HCN1: variants seen among roughly 807,000 people sequenced by gnomAD.
The protein encoded by HCN1 is hyperpolarization activated cyclic nucleotide gated potassium channel 1, also known as potassium/sodium hyperpolarization-activated cyclic nucleotide-gated channel 1.
HCN1 carries 13 observed loss-of-function variants against 78.9 expected under a neutral mutation model. The observed-to-expected ratio is 0.16, with a 90% CI of 0.11 to 0.26. The LOEUF (loss-of-function observed/expected upper bound fraction) is 0.26, where lower values mean the gene tolerates loss of function less well. HCN1 is among the 10% of genes least tolerant of loss of function. The probability of loss-of-function intolerance (pLI) is 1.00; values close to 1 mark genes in which losing one functional copy is unlikely to be tolerated. For synonymous variants in HCN1, 552 were observed against 455.5 expected, an observed-to-expected ratio of 1.21 and a Z score of -2.70; for missense variants, 810 against 1,154.3, an observed-to-expected ratio of 0.70 and a Z score of 4.32.
At chr5:45,610,483 G>C (rs1454375721) in intron 2 of HCN1, among the ~76,000 whole-genome samples, 3 of 150,210 alleles carry the variant, frequency 2.0e-5, no homozygotes, top group Non-Finnish European at 4.4e-5. Flanking sequence ...TGCGATATGT[G>C]TGTACATTTA....
At chr5:45,630,773 C>T (rs1267311768) in intron 2 of HCN1, among the ~76,000 whole-genome samples, 3 of 152,084 alleles carry the variant, frequency 2.0e-5, no homozygotes, top group African/African-American at 7.2e-5. Context: ...TGGAGCCTTC[C>T]TTAGCCTCTA....
chr5:45,530,179 C>T (rs1415337015), intron 2 of HCN1, among the ~76,000 whole-genome samples: 4 of 151,916 alleles, frequency 2.6e-5, no homozygotes, highest in Non-Finnish European at 5.9e-5. Context: ...CTTCTCAGCT[C>T]TTTTTTTCAG....
intron 2 of HCN1, among the ~76,000 whole-genome samples, chr5:45,515,849 T>C (rs769424543): frequency 7.2e-5 from 11 of 151,938 alleles, no homozygotes; most frequent in Non-Finnish European, 1.5e-4. Flanking sequence ...ATGTCAAAAT[T>C]ATCCCACAGG....
At chr5:45,371,731 T>C (rs1747366113) in intron 4 of HCN1, among the ~76,000 whole-genome samples, 1 of 146,718 alleles carries the variant, frequency 6.8e-6, no homozygotes, top group South Asian at 2.1e-4. Context: ...CACTCCAGCC[T>C]GGGTGACAGT....
At chr5:45,443,952 A>G (rs925583005) in intron 3 of HCN1, among the ~76,000 whole-genome samples, 16 of 152,172 alleles carry the variant, frequency 1.1e-4, no homozygotes, top group Admixed American at 3.9e-4. Context: ...ATCTGCCATA[A>G]TGAGTAATAC....
At chr5:45,544,414 C>G (rs186311717) in intron 2 of HCN1, among the ~76,000 whole-genome samples, 20 of 151,844 alleles carry the variant, frequency 1.3e-4, no homozygotes, top group Admixed American at 6.6e-5. Flanking sequence ...CACCAGTTAC[C>G]TCCTATTTGA....
chr5:45,622,998 C>CAG (rs1745099155), intron 2 of HCN1, among the ~76,000 whole-genome samples: 1 of 152,034 alleles, frequency 6.6e-6, no homozygotes, highest in South Asian at 2.1e-4. Context: ...ATATCTCCTT[C>CAG]CTCTTTCTCT....
chr5:45,298,005 G>A (rs1316569707), intron 6 of HCN1, among the ~76,000 whole-genome samples: 1 of 151,836 alleles, frequency 6.6e-6, no homozygotes, highest in Admixed American at 6.6e-5. Context: ...TGTTCAATTA[G>A]CATCATACTT....
At chr5:45,494,476 G>C (rs1287710996) in intron 2 of HCN1, among the ~76,000 whole-genome samples, 1 of 151,650 alleles carries the variant, frequency 6.6e-6, no homozygotes, top group African/African-American at 2.4e-5. Context: ...ATTTGTTTGA[G>C]TTCATTGTAG....
At chr5:45,557,966 T>A (rs1345570091) in intron 2 of HCN1, 1 of 151,990 alleles carries the variant, frequency 6.6e-6, no homozygotes, top group Non-Finnish European at 1.5e-5. Context: ...ATATCTCTCA[T>A]GTGAATCAAA....
At position 45,266,706 on chromosome 5, in the gene HCN1, T is replaced by C. The variant is rs866427931; in HGVS notation, c.1783+383A>G. Among the ~76,000 whole-genome samples, 800 of 141,908 alleles carry C rather than the reference T, an allele frequency of 5.6e-3. 11 individuals carry two copies. The highest frequency in any genetic ancestry group is 0.019 in the African/African-American group (726 of 39,186). The allele number at this position is 141,908 out of a possible 152,430, so 93.1% of individuals were successfully genotyped here. On this transcript the variant is annotated intron_variant, in intron 7 of 7. Transcript: ENST00000303230. The stretch of plus-strand genomic sequence containing the variant: ...CAAGCTATAAACTGGCATGTGGGAT[T>C]TTTTTTTTTTTTTTTTCTCTGAGAC...
intron 3 of HCN1, among the ~76,000 whole-genome samples, chr5:45,454,048 C>T (rs1249774076): frequency 6.6e-6 from 1 of 152,048 alleles, no homozygotes; most frequent in Non-Finnish European, 1.5e-5. Context: ...ACGGCTTGGT[C>T]TTACATTGCT....
chr5:45,457,579 T>C (rs1175592806), intron 3 of HCN1, among the ~76,000 whole-genome samples: 1 of 152,168 alleles, frequency 6.6e-6, no homozygotes, highest in South Asian at 2.1e-4. Flanking sequence ...TCAATTTAAG[T>C]AGCCTGCACT....
rs767968615 is a variant in HCN1, at chr5:45,261,873, G to C, written c.*48C>G. 1 of 1,605,916 alleles carries C rather than the reference G, an allele frequency of 6.2e-7. No homozygotes were observed. The highest frequency in any genetic ancestry group is 8.5e-7 in the Non-Finnish European group (1 of 1,173,626). On this transcript the variant is annotated 3_prime_UTR_variant, in exon 8 of 8. Coordinates refer to ENST00000303230, the MANE Select transcript of HCN1 (RefSeq NM_021072.4). ...TAGAATAAAATAAGATCTGAGTATAGTCTCAGTTTATGAGAGTATTTCTTT... is the reference window on the plus strand; with the variant it reads ...TAGAATAAAATAAGATCTGAGTATACTCTCAGTTTATGAGAGTATTTCTTT...
chr5:45,433,019 G>A lies in HCN1; in HGVS notation c.1011+28827C>T, dbSNP rs144216938. 2.7e-3 allele frequency among the ~76,000 whole-genome samples: 403 copies of A among 151,996 alleles called. 1 individual carries two copies. The highest frequency in any genetic ancestry group is 9.2e-3 in the African/African-American group (381 of 41,460). On this transcript the variant is annotated intron_variant, in intron 3 of 7. Coordinates refer to ENST00000303230, the MANE Select transcript of HCN1 (RefSeq NM_021072.4). Reference sequence around the variant, plus strand: ...AACCATCATATCTCATGAGACTTACGCAGTATCATGAGAACAGCACATGGA... The same window carrying A: ...AACCATCATATCTCATGAGACTTACACAGTATCATGAGAACAGCACATGGA...
chr5:45,355,379 C>T lies in HCN1; in HGVS notation c.1231-2133G>A, dbSNP rs571627410. ...CACTTGGGAATTCTTTATAAATACA[C>T]ATTCACAGTCTCCACTCCAGACCTA... On this transcript the variant is annotated intron_variant, in intron 4 of 7. Transcript: ENST00000303230. Among the ~76,000 whole-genome samples the T allele has an allele frequency of 8.6e-5, 13 of 152,030 alleles. No homozygotes were observed. The South Asian group carries it at 2.1e-3, about 24-fold the overall frequency.
chr5:45,585,199 C>T (rs548936456), intron 2 of HCN1, among the ~76,000 whole-genome samples: 3 of 152,242 alleles, frequency 2.0e-5, no homozygotes, highest in African/African-American at 7.2e-5. Flanking sequence ...TCACATAGTC[C>T]CATATTTCTT....
At chr5:45,503,988 G>A (rs1742241755) in intron 2 of HCN1, among the ~76,000 whole-genome samples, 1 of 152,046 alleles carries the variant, frequency 6.6e-6, no homozygotes, top group Non-Finnish European at 1.5e-5. Context: ...GTTTCACCAT[G>A]TTGGTCAGAC....
chr5:45,601,365 C>A (rs1226878003), intron 2 of HCN1, among the ~76,000 whole-genome samples: 2 of 152,060 alleles, frequency 1.3e-5, no homozygotes, highest in East Asian at 3.9e-4. Context: ...CAGCAAGCAG[C>A]CCATGTGAAA....
Sources: gnomAD v4.1 joint callset for allele counts (sites outside exome capture counted in the v4.1 genomes callset) on GRCh38, gnomAD v4.1.1 for gene constraint, MANE v1.5 for transcripts, NCBI Gene and HGNC (gene_info 2026-07-23, HGNC 2026-07-21) for gene names.